Variants in TP53BP1 observed in about 807,000 individuals in gnomAD.
The protein encoded by TP53BP1 is TP53-binding protein 1.
A neutral mutation model predicts 200.8 loss-of-function variants in TP53BP1; 61 were observed. The observed-to-expected ratio is 0.30, with a 90% CI of 0.25 to 0.38. The LOEUF (loss-of-function observed/expected upper bound fraction) is 0.38. TP53BP1 is among the 10% of genes least tolerant of loss of function. The pLI is 1.00. For missense variants in TP53BP1, 2,144 were observed against 2,371.9 expected (o/e 0.90, Z 2.00); for synonymous variants, 822 against 844.3 (o/e 0.97, Z 0.46).
At chr15:43,420,891 T>C (rs2045380413) in intron 20 of TP53BP1, 134 bp downstream of exon 20, 1 of 1,340,406 alleles carries the variant, frequency 7.5e-7, no homozygotes, top group South Asian at 1.4e-5. Flanking sequence ...GGCCTCACTC[T>C]GATCCCTGCC....
At chr15:43,467,123 G>A (rs2046603463) in intron 11 of TP53BP1, among the ~76,000 whole-genome samples, 2 of 151,348 alleles carry the variant, frequency 1.3e-5, no homozygotes, top group South Asian at 4.2e-4. Flanking sequence ...GCATGATCAT[G>A]GCTCACTGCA....
intron 12 of TP53BP1, among the ~76,000 whole-genome samples, chr15:43,452,846 C>T (rs2046202181): frequency 1.3e-5 from 2 of 152,058 alleles, no homozygotes; most frequent in Non-Finnish European, 2.9e-5. Context: ...ATGAAGAATA[C>T]TATTAAAATA....
At position 43,492,047 on chromosome 15, in the gene TP53BP1, C is replaced by T. The variant is rs754219111; in HGVS notation, c.241G>A (p.Gly81Ser). The T allele has an allele frequency of 9.3e-6, 15 of 1,613,936 alleles. No homozygotes were observed. The highest frequency in any genetic ancestry group is 1.3e-5 in the African/African-American group (1 of 74,908). ...EQTAGEERGD[G>S]NSGFNEHLKE... The stretch of plus-strand genomic sequence containing the variant: ...AAATGTTCATTGAACCCACTATTAC[C>T]GTCTCCTCGTTCTTCTCCAGCTGTT... The change falls in exon 3 of 28, where the codon GGT becomes AGT. Residue 81 changes from glycine (G) to serine (S), a missense_variant. Physicochemically the swap from Gly to Ser is moderately conservative, Grantham distance 56. Transcript: ENST00000382044.
At chr15:43,509,919 G>A (rs965022350) in intron 1 of TP53BP1, among the ~76,000 whole-genome samples, 2 of 152,040 alleles carry the variant, frequency 1.3e-5, no homozygotes, top group Non-Finnish European at 2.9e-5. Context: ...AAAGATAGGC[G>A]CTCCCATACA....
In TP53BP1 at chr15:43,405,394, A is replaced by G; in HGVS notation, c.*1989T>C. On this transcript the variant is annotated 3_prime_UTR_variant, in exon 28 of 28. Transcript: ENST00000382044. ...AGTACAACTCCTTCCCATCATTCCC[A>G]TGTGGAAGGGTCTCTCCCATCAAGG... 1.5e-6 allele frequency: 1 copy of G among 653,220 alleles called. No individual in the cohort carries two copies. The highest frequency in any genetic ancestry group is 2.7e-6 in the Non-Finnish European group (1 of 372,972). 40.5% of individuals were successfully genotyped at this position (653,220 alleles called of 1,614,324 possible). A position where few individuals can be genotyped will look rare whatever the true frequency, so the allele number is the denominator to read the frequency against.
chr15:43,508,083 C>T (rs1042607923), intron 1 of TP53BP1, among the ~76,000 whole-genome samples: 7 of 152,136 alleles, frequency 4.6e-5, no homozygotes, highest in African/African-American at 7.2e-5. Flanking sequence ...TTTTCTGGGC[C>T]GGGCACGGTG....
rs192176626 is a variant in TP53BP1 at position 43,454,238 on chromosome 15, A to T, written c.2716+1654T>A. Among the ~76,000 whole-genome samples, 483 of 152,228 alleles carry T rather than the reference A, an allele frequency of 3.2e-3. 3 individuals are homozygous for T. The highest frequency in any genetic ancestry group is 6.2e-3 in the South Asian group (30 of 4,818). On this transcript the variant is annotated intron_variant, in intron 12 of 27. Coordinates refer to ENST00000382044, the MANE Select transcript of TP53BP1 (RefSeq NM_001141980.3). ...AGGGACTGTTCTACGCAAACCAAAA[A>T]ATATGGTCACTCATACTATCATATG... is the stretch of plus-strand genomic sequence containing the variant.
At chr15:43,487,798 A>G (rs1358192293) in intron 4 of TP53BP1, among the ~76,000 whole-genome samples, 1 of 149,026 alleles carries the variant, frequency 6.7e-6, no homozygotes, top group African/African-American at 2.5e-5. Context: ...AAAAAAAAAA[A>G]GAAAAGAAAA....
chr15:43,479,712 A>T, intron 6 of TP53BP1, 147 bp downstream of exon 6: 1 of 1,171,764 alleles, frequency 8.5e-7, no homozygotes, highest in South Asian at 1.6e-5. Context: ...ACAATTGACA[A>T]GTATTTACCA....
chr15:43,475,697 G>A lies in TP53BP1; in HGVS notation c.956-3C>T, dbSNP rs2078870453. The A allele has an allele frequency of 3.1e-6, 5 of 1,612,520 alleles. No homozygotes were observed. The highest frequency in any genetic ancestry group is 2.7e-5 in the African/African-American group (2 of 74,888). ...AGTAGAGCAACCATCAGAAGATACT[G>A]AAAAAAAGAAATTCCAGTTGCACTT... On this transcript the variant is annotated splice_polypyrimidine_tract_variant and splice_region_variant and intron_variant, in intron 8 of 27. Transcript: ENST00000382044.
At chr15:43,495,906 A>T (rs565608688), upstream of TP53BP1, among the ~76,000 whole-genome samples, 3 of 152,068 alleles carry the variant, frequency 2.0e-5, no homozygotes, top group East Asian at 5.8e-4. Flanking sequence ...CAAGAATCTT[A>T]AAAAAAACTG....
At chr15:43,508,723 G>A (rs576131116) in intron 1 of TP53BP1, among the ~76,000 whole-genome samples, 1 of 152,284 alleles carries the variant, frequency 6.6e-6, no homozygotes, top group African/African-American at 2.4e-5. Context: ...GGAAAGAGGA[G>A]GATAATTAAC....
chr15:43,426,886 C>A (rs1012450843), intron 18 of TP53BP1, among the ~76,000 whole-genome samples: 5 of 151,344 alleles, frequency 3.3e-5, no homozygotes, highest in African/African-American at 1.2e-4. Flanking sequence ...GGCACGGTGG[C>A]GGGTGCCTGC....
Position 43,407,335 on chromosome 15 carries a change from C to CACA in TP53BP1, c.*45_*47dup. ...AGACACATTTAAAACCTGGTTAAAA[C>CACA]ACAATCTCCACGATAGCAGGGAATA... On this transcript the variant is annotated 3_prime_UTR_variant, in exon 28 of 28. Coordinates refer to ENST00000382044, the MANE Select transcript of TP53BP1 (RefSeq NM_001141980.3). The CACA allele has an allele frequency of 6.4e-7, 1 of 1,564,988 alleles. No homozygotes were observed. Among genetic ancestry groups the CACA allele is most frequent in the Admixed American group, 1.7e-5 (1 of 58,904 alleles).
intron 4 of TP53BP1, among the ~76,000 whole-genome samples, chr15:43,486,147 G>T (rs539424009): frequency 6.6e-6 from 1 of 151,808 alleles, no homozygotes; most frequent in Non-Finnish European, 1.5e-5. Flanking sequence ...GAGGCTGAGG[G>T]GGGTGGATCA....
At chr15:43,427,970 A>AAAG in intron 18 of TP53BP1, 46 bp downstream of exon 18, 1 of 1,407,360 alleles carries the variant, frequency 7.1e-7, no homozygotes, top group Non-Finnish European at 9.5e-7. Context: ...AAAAAAAAAA[A>AAAG]AAAGAAAGAA....
intron 4 of TP53BP1, among the ~76,000 whole-genome samples, chr15:43,487,886 G>A (rs1024077154): frequency 2.0e-5 from 3 of 151,998 alleles, no homozygotes; most frequent in African/African-American, 7.2e-5. Flanking sequence ...TCCTTCAACA[G>A]ATGAATGGTT....
At chr15:43,407,852 ATT>A in intron 27 of TP53BP1, 89 bp downstream of exon 27, 2 of 1,312,210 alleles carry the variant, frequency 1.5e-6, no homozygotes, top group Non-Finnish European at 2.1e-6. Context: ...CGGTCAACCT[ATT>A]AGGCCTGAGC....
chr15:43,412,742 T>C (rs1192977423), intron 24 of TP53BP1: 1 of 472,486 alleles, frequency 2.1e-6, no homozygotes, highest in Admixed American at 2.3e-5. Flanking sequence ...CATTCAGACC[T>C]GATTGACTTG....
Sources: gnomAD v4.1 joint callset for allele counts (sites outside exome capture counted in the v4.1 genomes callset) on GRCh38, gnomAD v4.1.1 for gene constraint, MANE v1.5 for transcripts, NCBI Gene and HGNC (gene_info 2026-07-23, HGNC 2026-07-21) for gene names.